PLPPR1: variants seen among roughly 807,000 people sequenced by gnomAD.
The protein encoded by PLPPR1 is phospholipid phosphatase-related protein type 1.
Under a neutral mutation model 33.1 loss-of-function variants are expected in PLPPR1, and 10 were observed. The observed-to-expected ratio is 0.30, with a 90% CI of 0.19 to 0.51. The LOEUF is 0.51. PLPPR1 is among the 20% of genes least tolerant of loss of function. The probability of loss-of-function intolerance (pLI) is 0.97; values close to 1 mark genes in which losing one functional copy is unlikely to be tolerated. For synonymous variants in PLPPR1, 151 were observed against 151.0 expected (o/e 1.00, Z 0.00); for missense variants, 304 against 408.1 (o/e 0.74, Z 2.20).
chr9:101,031,622 G>A (rs1829947020), intron 1 of PLPPR1, among the ~76,000 whole-genome samples: 1 of 152,182 alleles, frequency 6.6e-6, no homozygotes, highest in African/African-American at 2.4e-5. Context: ...AAGGTAACAG[G>A]TATTTAACTA....
At chr9:101,262,287 A>G (rs1245520099) in intron 2 of PLPPR1, among the ~76,000 whole-genome samples, 3 of 152,124 alleles carry the variant, frequency 2.0e-5, no homozygotes. Flanking sequence ...TAGACCACAC[A>G]CCTAGTAGGC....
At chr9:101,185,307 C>A in intron 1 of PLPPR1, 143 bp from the exon 2 acceptor site, 1 of 463,490 alleles carries the variant, frequency 2.2e-6, no homozygotes, top group African/African-American at 2.0e-5. Flanking sequence ...TCTGACTTGA[C>A]TGTGTTGTAG....
At chr9:101,034,405 A>G (rs771424955) in intron 1 of PLPPR1, among the ~76,000 whole-genome samples, 33 of 152,192 alleles carry the variant, frequency 2.2e-4, no homozygotes, top group Non-Finnish European at 4.0e-4. Flanking sequence ...TCTGAGTGCC[A>G]TACCTCAATG....
At chr9:101,301,203 A>T (rs2118941580) in intron 4 of PLPPR1, among the ~76,000 whole-genome samples, 1 of 152,330 alleles carries the variant, frequency 6.6e-6, no homozygotes, top group South Asian at 2.1e-4. Flanking sequence ...CCACCAGCTT[A>T]TCGCATTGTA....
At chr9:101,303,223 A>G (rs1828785670) in intron 4 of PLPPR1, among the ~76,000 whole-genome samples, 1 of 151,852 alleles carries the variant, frequency 6.6e-6, no homozygotes, top group African/African-American at 2.4e-5. Context: ...GCCTTAAGTG[A>G]TCCACCCACC....
chr9:101,215,430 G>A (rs867299042), intron 2 of PLPPR1, among the ~76,000 whole-genome samples: 19 of 152,140 alleles, frequency 1.2e-4, no homozygotes, highest in African/African-American at 4.3e-4. Flanking sequence ...CAGGGCGTGC[G>A]CCACCATGCC....
intron 1 of PLPPR1, among the ~76,000 whole-genome samples, chr9:101,080,565 C>G (rs1564139028): frequency 1.3e-5 from 2 of 151,950 alleles, no homozygotes; most frequent in Admixed American, 6.6e-5. Flanking sequence ...AAACAACTAA[C>G]CCCCACCAAA....
intron 2 of PLPPR1, among the ~76,000 whole-genome samples, chr9:101,250,105 T>G (rs1017362109): frequency 1.3e-5 from 2 of 152,074 alleles, no homozygotes; most frequent in Non-Finnish European, 2.9e-5. Context: ...TACCAAAGGC[T>G]TATTACTTTT....
Position 101,323,948 on chromosome 9 carries a change from A to G in PLPPR1, c.946-77A>G. ...TACCCTTGAGGAGACAAAACAAGGG[A>G]ATATTTAGGGACAAGTGAGTGTGCA... On this transcript the variant is annotated intron_variant, in intron 7 of 7. Coordinates refer to ENST00000374874, the MANE Select transcript of PLPPR1 (RefSeq NM_207299.2). 1.0e-5 allele frequency: 13 copies of G among 1,245,548 alleles called. No homozygotes were observed. The South Asian group carries it at 1.5e-4, about 14-fold the overall frequency. 77.2% of individuals were successfully genotyped at this position (1,245,548 alleles called of 1,614,324 possible). A position where few individuals can be genotyped will look rare whatever the true frequency, so the allele number is the denominator to read the frequency against.
intron 1 of PLPPR1, among the ~76,000 whole-genome samples, chr9:101,040,935 T>A (rs1229269107): frequency 6.6e-6 from 1 of 152,046 alleles, no homozygotes; most frequent in Non-Finnish European, 1.5e-5. Context: ...AAAAATATCG[T>A]CTTGAGAATG....
At chr9:101,080,633 G>T (rs1830605430) in intron 1 of PLPPR1, among the ~76,000 whole-genome samples, 1 of 152,082 alleles carries the variant, frequency 6.6e-6, no homozygotes. Context: ...TTTTCTCTTT[G>T]GCTGGTTACA....
chr9:101,179,490 A>AT (rs777981417), intron 1 of PLPPR1, among the ~76,000 whole-genome samples: 2 of 152,090 alleles, frequency 1.3e-5, no homozygotes, highest in Non-Finnish European at 2.9e-5. Context: ...AAATATCTTC[A>AT]TTTTATTTCC....
intron 1 of PLPPR1, among the ~76,000 whole-genome samples, chr9:101,153,774 G>A (rs1477738165): frequency 2.0e-5 from 3 of 149,960 alleles, no homozygotes; most frequent in South Asian, 2.1e-4. Context: ...TAGTAGAGAC[G>A]GGGTTTCACC....
intron 1 of PLPPR1, among the ~76,000 whole-genome samples, chr9:101,082,170 A>G (rs558234969): frequency 2.0e-4 from 30 of 152,310 alleles, no homozygotes; most frequent in Non-Finnish European, 1.6e-4. Flanking sequence ...GAAAACCACC[A>G]CATGTAATCC....
At chr9:101,194,618 G>A (rs1241555667) in intron 2 of PLPPR1, among the ~76,000 whole-genome samples, 1 of 152,084 alleles carries the variant, frequency 6.6e-6, no homozygotes, top group Non-Finnish European at 1.5e-5. Flanking sequence ...AGGCATGGTG[G>A]TGCACGCCTG....
At chr9:101,254,908 G>C (rs1827772808) in intron 2 of PLPPR1, among the ~76,000 whole-genome samples, 1 of 152,010 alleles carries the variant, frequency 6.6e-6, no homozygotes, top group Non-Finnish European at 1.5e-5. Flanking sequence ...TGACTACTGG[G>C]TTATAGGGCA....
intron 1 of PLPPR1, among the ~76,000 whole-genome samples, chr9:101,037,239 G>A (rs1234822116): frequency 1.3e-5 from 2 of 152,052 alleles, no homozygotes; most frequent in African/African-American, 4.8e-5. Flanking sequence ...CTGCTTGTGT[G>A]AATGTTATAA....
Position 101,177,109 on chromosome 9 carries a change from T to C in PLPPR1, c.-45-8341T>C, listed in dbSNP as rs180792155. ...ATTGCTTTGGCGATTTGGGTCCTTTTTCCATGGGAATTTTAGGATTTTTTT... is the reference window on the plus strand; with the variant it reads ...ATTGCTTTGGCGATTTGGGTCCTTTCTCCATGGGAATTTTAGGATTTTTTT... On this transcript the variant is annotated intron_variant, in intron 1 of 7. Transcript: ENST00000374874. 2.2e-4 allele frequency among the ~76,000 whole-genome samples: 34 copies of C among 152,338 alleles called. No individual in the cohort carries two copies. In the East Asian group the frequency reaches 6.4e-3, roughly 28 times the overall value.
chr9:101,218,049 CA>C (rs914696560), intron 2 of PLPPR1, among the ~76,000 whole-genome samples: 2 of 152,112 alleles, frequency 1.3e-5, no homozygotes, highest in African/African-American at 4.8e-5. Context: ...ATGCTATATA[CA>C]TGACTAGATT....
Sources: gnomAD v4.1 joint callset for allele counts (sites outside exome capture counted in the v4.1 genomes callset) on GRCh38, gnomAD v4.1.1 for gene constraint, MANE v1.5 for transcripts, NCBI Gene and HGNC (gene_info 2026-07-23, HGNC 2026-07-21) for gene names.